TTN: variants seen among roughly 807,000 people sequenced by gnomAD.
TTN encodes the protein titin.
In TTN, 1,525 loss-of-function variants were observed where a neutral mutation model predicts 3,223.0. That is an observed-to-expected ratio of 0.47 (90% confidence interval 0.45 to 0.49). TTN has a LOEUF of 0.49. Ranked by LOEUF, TTN falls within the 20% of genes least tolerant of loss-of-function variation. TTN has a pLI of 0.00. For missense variants in TTN, 40,786 were observed against 43,424.0 expected, an observed-to-expected ratio of 0.94 and a Z score of 5.40; for synonymous variants, 14,094 against 15,161.0, an observed-to-expected ratio of 0.93 and a Z score of 5.17.
chr2:178,804,608 A>G lies in TTN; in HGVS notation c.35T>C (p.Leu12Ser). Residue 12 changes from leucine (L) to serine (S), a missense_variant, in exon 2 of 363, where the codon TTA becomes TCA. Coordinates refer to ENST00000589042, the MANE Select transcript of TTN (RefSeq NM_001267550.2). ...TTQAPTFTQP[L>S]QSVVVLEGST... ...ACCCTCCAGTACCACAACGCTTTGTAACGGCTGCGTAAACGTCGGTGCTTG... is the reference window on the plus strand; with the variant it reads ...ACCCTCCAGTACCACAACGCTTTGTGACGGCTGCGTAAACGTCGGTGCTTG... The G allele has an allele frequency of 6.2e-7, 1 of 1,613,988 alleles. No homozygotes were observed. The highest frequency in any genetic ancestry group is 8.5e-7 in the Non-Finnish European group (1 of 1,179,934).
In TTN at chr2:178,599,660, G is replaced by A; in HGVS notation, c.56241C>T (p.Cys18747=). ...TGCGAGACTGCGGAATAACTAAAGT[G>A]CAAGTATCATCTACCACCAGTTTGT... is the stretch of plus-strand genomic sequence containing the variant. ...HVNKLVVDDT[C]TLVIPQSRRS... is the part of the protein sequence containing the mutation. The change falls in exon 289 of 363, where the codon TGC becomes TGT. Residue 18747 remains cysteine, a synonymous_variant. Coordinates refer to ENST00000589042, the MANE Select transcript of TTN (RefSeq NM_001267550.2). The A allele has an allele frequency of 6.2e-7, 1 of 1,613,018 alleles. No homozygotes were observed. The highest frequency in any genetic ancestry group is 1.7e-5 in the Admixed American group (1 of 59,968).
chr2:178,621,628 C>T lies in TTN; in HGVS notation c.45196G>A (p.Gly15066Arg). Residue 15066 changes from glycine (G) to arginine (R), a missense_variant, in exon 245 of 363, where the codon GGG becomes AGG. Gly to Arg is a moderately radical substitution (Grantham distance 125). Coordinates refer to ENST00000589042, the MANE Select transcript of TTN (RefSeq NM_001267550.2). ...CCTGTTTCAATGATCTCCTCATCCC[C>T]TTTATACCAAATCACTTCTGCGCCA... ...KPGAEVIWYK[G>R]DEEIIETGRY... The T allele has an allele frequency of 1.2e-6, 2 of 1,612,500 alleles. No individual in the cohort carries two copies. Among genetic ancestry groups the T allele is most frequent in the Non-Finnish European group, 1.7e-6 (2 of 1,179,104 alleles).
At position 178,561,951 on chromosome 2, in the gene TTN, G is replaced by T. The variant is rs373806358; in HGVS notation, c.84181C>A (p.Pro28061Thr). 6 of 1,613,078 alleles carry T rather than the reference G, an allele frequency of 3.7e-6. No homozygotes were observed. The highest frequency in any genetic ancestry group is 4.2e-6 in the Non-Finnish European group (5 of 1,179,440). The change falls in exon 326 of 363, where the codon CCT (proline) becomes ACT (threonine). Residue 28061 changes from proline (P) to threonine (T), a missense_variant. Physicochemically the swap from Pro to Thr is conservative, Grantham distance 38. Coordinates refer to ENST00000589042, the MANE Select transcript of TTN (RefSeq NM_001267550.2). ...IVLDRPGPPGPIRIDEVSCDS... is the reference protein window; with the variant it reads ...IVLDRPGPPGTIRIDEVSCDS... ...CAACTAACCTCATCAATACGTATAG[G>T]ACCTGGAGGTCCTGGTCTGTCAAGG...
In TTN at chr2:178,711,192, T is replaced by C. The variant is rs757855726; in HGVS notation, c.28044A>G (p.Gln9348=). 1.9e-6 allele frequency: 3 copies of C among 1,613,844 alleles called. No individual in the cohort carries two copies. Among genetic ancestry groups the C allele is most frequent in the Admixed American group, 3.3e-5 (2 of 60,000 alleles). ...TGGCTGTATTGTCTAAAAATGATGT[T>C]TGTACATTTGGGCTGTCTTTCAATG... ...GKPLKDSPNV[Q]TSFLDNTATL... Residue 9348 remains glutamine (Q), a synonymous_variant, in exon 97 of 363, where the codon CAA becomes CAG. Coordinates refer to ENST00000589042, the MANE Select transcript of TTN (RefSeq NM_001267550.2).
chr2:178,697,290 G>C (rs188440012), intron 112 of TTN, 122 bp from the exon 113 acceptor site: 2 of 703,842 alleles, frequency 2.8e-6, no homozygotes, highest in Non-Finnish European at 4.3e-6. Context: ...TCATACACCA[G>C]CCCTTCCAGG....
chr2:178,582,867 T>G, intron 313 of TTN, 73 bp downstream of exon 313: 1 of 1,256,568 alleles, frequency 8.0e-7, no homozygotes, highest in South Asian at 2.2e-5. Context: ...TTCTCCCACA[T>G]TATTCTGTAA....
Position 178,631,188 on chromosome 2 carries a change from C to G in TTN, c.43860G>C (p.Lys14620Asn), listed in dbSNP as rs1235935495. 2 of 1,613,138 alleles carry G rather than the reference C, an allele frequency of 1.2e-6. No individual in the cohort carries two copies. The highest frequency in any genetic ancestry group is 1.6e-4 in the Middle Eastern group (1 of 6,080). ...SKADAPVKWFKDGKEIKPSKN... is the reference protein window; with the variant it reads ...SKADAPVKWFNDGKEIKPSKN... ...TGGATGGCTTTATTTCCTTCCCATC[C>G]TTAAACCATTTCACTGGTGCATCTG... is the stretch of plus-strand genomic sequence containing the variant. The change falls in exon 237 of 363, where the codon AAG becomes AAC. Residue 14620 changes from lysine to asparagine, a missense_variant. Lys to Asn is a moderately conservative substitution (Grantham distance 94, BLOSUM62 0). Transcript: ENST00000589042.
chr2:178,577,667 T>C lies in TTN; in HGVS notation c.68759A>G (p.Asn22920Ser). The change falls in exon 323 of 363, where the codon AAT becomes AGT. Residue 22920 changes from asparagine (N) to serine (S), a missense_variant. By Grantham distance (46) the Asn-to-Ser change is conservative. Transcript: ENST00000589042. ...GKYEFRIRAK[N>S]TAGAISAPSE... ...TGGAGCACTGATAGCACCTGCTGTA[T>C]TCTTTGCTCTAATTCTGAATTCATA... The C allele has an allele frequency of 6.2e-7, 1 of 1,613,314 alleles. No individual in the cohort carries two copies. Among genetic ancestry groups the C allele is most frequent in the Non-Finnish European group, 8.5e-7 (1 of 1,179,572 alleles).
chr2:178,755,915 T>C (rs966753884), intron 46 of TTN, among the ~76,000 whole-genome samples: 15 of 152,210 alleles, frequency 9.9e-5, no homozygotes, highest in Non-Finnish European at 1.9e-4. Flanking sequence ...GAATACAACA[T>C]TTTAACTTTG....
Position 178,749,188 on chromosome 2 carries a change from T to C in TTN, c.11311+3936A>G, listed in dbSNP as rs765387206. 4 of 1,611,134 alleles carry C rather than the reference T, an allele frequency of 2.5e-6. No individual in the cohort carries two copies. In the African/African-American group the frequency reaches 5.4e-5, roughly 22 times the overall value. ...ATTCTTGTACATTTTCCTTTTCTGA[T>C]CTACCAAGTTTTCCAAAATTATTTC... On this transcript the variant is annotated intron_variant, in intron 47 of 362. Transcript: ENST00000589042.
Position 178,705,243 on chromosome 2 carries a change from A to G in TTN, c.29535T>C (p.Thr9845=). The G allele has an allele frequency of 6.2e-7, 1 of 1,613,780 alleles. No individual in the cohort carries two copies. Among genetic ancestry groups the G allele is most frequent in the Non-Finnish European group, 8.5e-7 (1 of 1,179,754 alleles). Residue 9845 remains threonine (T), a synonymous_variant, in exon 103 of 363, where the codon ACT becomes ACC. Coordinates refer to ENST00000589042, the MANE Select transcript of TTN (RefSeq NM_001267550.2). ...ATGCTTGAAGAAGACCTCGGAAGTC[A>G]GTGATTCCATACATGCGGGCATATT... ...YEKYARMYGI[T]DFRGLLQAFE...
Position 178,777,012 on chromosome 2 carries a change from C to G in TTN, c.4852G>C (p.Asp1618His). Residue 1618 changes from aspartate (D) to histidine (H), a missense_variant, in exon 28 of 363, where the codon GAT becomes CAT. Asp to His is a moderately conservative substitution (Grantham distance 81, BLOSUM62 -1). Coordinates refer to ENST00000589042, the MANE Select transcript of TTN (RefSeq NM_001267550.2). ...GCAGAATCTTGGCTGACAGTGGAAT[C>G]GATTTTAAGGGCAGCTTCTCCCTTG... ...GTKGEAALKI[D>H]STVSQDSAWY... 6.2e-7 allele frequency: 1 copy of G among 1,613,958 alleles called. No individual in the cohort carries two copies. Among genetic ancestry groups the G allele is most frequent in the Non-Finnish European group, 8.5e-7 (1 of 1,179,988 alleles).
chr2:178,530,180 T>C (rs1688463291), intron 358 of TTN, 61 bp downstream of exon 358: 1 of 1,562,434 alleles, frequency 6.4e-7, no homozygotes, highest in African/African-American at 1.4e-5. Context: ...TTTGGGAAGC[T>C]GAATTTAGAA....
chr2:178,624,359 A>G lies in TTN; in HGVS notation c.44815+106T>C. On this transcript the variant is annotated intron_variant, in intron 242 of 362. Coordinates refer to ENST00000589042, the MANE Select transcript of TTN (RefSeq NM_001267550.2). ...AGTGTCAATACTAGAAGTTGCCAAGAAATGCAGTTAGGCCAAGAAGGGCAT... is the reference window on the plus strand; with the variant it reads ...AGTGTCAATACTAGAAGTTGCCAAGGAATGCAGTTAGGCCAAGAAGGGCAT... 2.8e-6 allele frequency: 4 copies of G among 1,453,808 alleles called. 1 individual carries two copies. The highest frequency in any genetic ancestry group is 3.8e-6 in the Non-Finnish European group (4 of 1,051,882). 90.1% of individuals were successfully genotyped at this position (1,453,808 alleles called of 1,614,324 possible).
Position 178,533,272 on chromosome 2 carries a change from T to C in TTN, c.103343A>G (p.Gln34448Arg). The change falls in exon 358 of 363, where the codon CAG becomes CGG. Residue 34448 changes from glutamine to arginine, a missense_variant. Transcript: ENST00000589042. ...CAGGCGTTCCACTTGTAGGTGAGCC[T>C]GGCAGCTGGTGGACCCAGCTGTGTT... ...ATNTAGSTSC[Q>R]AHLQVERLRY... 4 of 1,614,004 alleles carry C rather than the reference T, an allele frequency of 2.5e-6. No individual in the cohort carries two copies. Among genetic ancestry groups the C allele is most frequent in the East Asian group, 2.2e-5 (1 of 44,880 alleles).
In TTN at chr2:178,558,586, C is replaced by T. The variant is rs199639729; in HGVS notation, c.86873G>A (p.Ser28958Asn). Residue 28958 changes from serine (S) to asparagine (N), a missense_variant, in exon 327 of 363, where the codon AGT (serine) becomes AAT (asparagine). Physicochemically the swap from Ser to Asn is conservative, Grantham distance 46 (BLOSUM62 1). Transcript: ENST00000589042. Reference protein sequence around the residue: ...KLGVTSISKDSVSLTWLKPEH... With the variant: ...KLGVTSISKDNVSLTWLKPEH... ...AGGCTTCAGCCAGGTCAGGGAAACA[C>T]TGTCTTTGGATATACTTGTTACTCC... 91 of 1,613,604 alleles carry T rather than the reference C, an allele frequency of 5.6e-5. No homozygotes were observed. The highest frequency in any genetic ancestry group is 7.6e-5 in the Non-Finnish European group (90 of 1,179,790).
chr2:178,684,109 T>A, intron 132 of TTN, 27 bp from the exon 133 acceptor site: 3 of 1,609,458 alleles, frequency 1.9e-6, no homozygotes, highest in Non-Finnish European at 1.7e-6. Context: ...CACTTTAAAG[T>A]ATTGTTTCCC....
In TTN at chr2:178,652,853, A is replaced by G. The variant is rs2063323089; in HGVS notation, c.38954T>C (p.Val12985Ala). The G allele has an allele frequency of 1.2e-6, 2 of 1,611,244 alleles. No individual in the cohort carries two copies. Among genetic ancestry groups the G allele is most frequent in the Non-Finnish European group, 1.7e-6 (2 of 1,178,942 alleles). ...APPKKPEVPP[V>A]KVPEAPKEVV... is the part of the protein sequence containing the mutation. ...CTAAAGCCAGTGACAAATACCTTTAACAGGAGGGACTTCAGGCTTTTTAGG... is the reference window on the plus strand; with the variant it reads ...CTAAAGCCAGTGACAAATACCTTTAGCAGGAGGGACTTCAGGCTTTTTAGG... Residue 12985 changes from valine (V) to alanine (A), a missense_variant, in exon 200 of 363, where the codon GTT becomes GCT. Physicochemically the swap from Val to Ala is moderately conservative, Grantham distance 64. Coordinates refer to ENST00000589042, the MANE Select transcript of TTN (RefSeq NM_001267550.2).
Position 178,601,422 on chromosome 2 carries a change from G to C in TTN, c.55575C>G (p.Ala18525=), listed in dbSNP as rs774547565. ...VIEKRTIDGK[A]WTKVNPDCGS... ...CACAGTCTGGATTGACTTTGGTCCA[G>C]GCTTTTCCATCAATAGTCCTCTTCT... The change falls in exon 287 of 363, where the codon GCC becomes GCG. Residue 18525 remains alanine (A), a synonymous_variant. Transcript: ENST00000589042. 5 of 1,612,808 alleles carry C rather than the reference G, an allele frequency of 3.1e-6. No homozygotes were observed. The Admixed American group carries it at 8.3e-5, about 27-fold the overall frequency.
Sources: gnomAD v4.1 joint callset for allele counts (sites outside exome capture counted in the v4.1 genomes callset) on GRCh38, gnomAD v4.1.1 for gene constraint, MANE v1.5 for transcripts, NCBI Gene and HGNC (gene_info 2026-07-23, HGNC 2026-07-21) for gene names.